TDRP: variants seen among roughly 807,000 people sequenced by gnomAD.
TDRP encodes testis development related protein, also known as testis development-related protein.
Under a neutral mutation model 10.5 loss-of-function variants are expected in TDRP, and 12 were observed. The observed-to-expected ratio is 1.15, with a 90% CI of 0.73 to 1.86. The LOEUF (loss-of-function observed/expected upper bound fraction) is 1.86, where lower values mean the gene tolerates loss of function less well. Among genes scored for constraint, TDRP ranks in the 40% most tolerant of loss-of-function variants. The probability of loss-of-function intolerance (pLI) is 0.00; values close to 1 mark genes in which losing one functional copy is unlikely to be tolerated. For synonymous variants in TDRP, 139 were observed against 95.4 expected, an observed-to-expected ratio of 1.46 and a Z score of -2.67; for missense variants, 353 against 229.2, an observed-to-expected ratio of 1.54 and a Z score of -3.49.
At chr8:498,982 G>C (rs28434525) in intron 1 of TDRP, among the ~76,000 whole-genome samples, 1 of 151,828 alleles carries the variant, frequency 6.6e-6, no homozygotes, top group Non-Finnish European at 1.5e-5. Context: ...CAGCCACATG[G>C]AACTGTGAGT....
At chr8:513,641 G>A (rs1033805793) in intron 1 of TDRP, among the ~76,000 whole-genome samples, 1 of 152,180 alleles carries the variant, frequency 6.6e-6, no homozygotes, top group South Asian at 2.1e-4. Flanking sequence ...ACACCGTGCA[G>A]ATTTCAGCCA....
At chr8:521,246 C>CAAAAAAAAAAAAAAAAAAAAA in intron 1 of TDRP, among the ~76,000 whole-genome samples, 1 of 84,592 alleles carries the variant, frequency 1.2e-5, no homozygotes, top group Non-Finnish European at 2.2e-5. Flanking sequence ...ACTAAAAATC[C>CAAAAAAAAAAAAAAAAAAAAA]AAAAAAAAAA....
In TDRP at chr8:490,495, C is replaced by CGGGA. The variant is rs1800938604; in HGVS notation, c.*1903_*1904insTCCC. The CGGGA allele has an allele frequency of 6.6e-6, 1 of 152,260 alleles. No individual in the cohort carries two copies. Among genetic ancestry groups the CGGGA allele is most frequent in the Non-Finnish European group, 1.5e-5 (1 of 68,072 alleles). 9.4% of individuals were successfully genotyped at this position (152,260 alleles called of 1,614,324 possible). On this transcript the variant is annotated 3_prime_UTR_variant, in exon 3 of 3. Coordinates refer to ENST00000324079, the MANE Select transcript of TDRP (RefSeq NM_001384899.1). ...GCTCCCCACAACATGGGAAGCGTCC[C>CGGGA]CATCTCCCCACACACGTGATTTCCA...
intron 1 of TDRP, among the ~76,000 whole-genome samples, chr8:529,177 A>G (rs1340583987): frequency 1.3e-5 from 2 of 152,174 alleles, no homozygotes; most frequent in Admixed American, 6.5e-5. Flanking sequence ...TCCTTTGGCA[A>G]CACCCTCATA....
chr8:521,880 G>A (rs1009515401), intron 1 of TDRP, among the ~76,000 whole-genome samples: 21 of 152,038 alleles, frequency 1.4e-4, no homozygotes, highest in African/African-American at 3.6e-4. Flanking sequence ...GTCTATTTAT[G>A]TCTTATTTAA....
chr8:520,826 A>C (rs1801883235), intron 1 of TDRP, among the ~76,000 whole-genome samples: 7 of 152,162 alleles, frequency 4.6e-5, no homozygotes. Flanking sequence ...TTCTTTAAAT[A>C]TTTTGGATAT....
At chr8:494,459 T>A (rs759292150) in intron 2 of TDRP, 35 bp downstream of exon 2, 1 of 1,595,742 alleles carries the variant, frequency 6.3e-7, no homozygotes, top group South Asian at 1.1e-5. Flanking sequence ...CTCCCTCTCC[T>A]GAAATGATCA....
intron 1 of TDRP, among the ~76,000 whole-genome samples, chr8:511,100 A>G (rs1312026620): frequency 6.6e-6 from 1 of 152,196 alleles, no homozygotes; most frequent in East Asian, 1.9e-4. Context: ...TATGGAAAAC[A>G]AAAAGGGAAA....
rs763843652 is a variant in TDRP, at chr8:528,554, A to C, written c.108+16096T>G. Among the ~76,000 whole-genome samples the C allele has an allele frequency of 9.0e-5, 13 of 144,496 alleles. 2 individuals are homozygous for C. Among genetic ancestry groups the C allele is most frequent in the Non-Finnish European group, 1.9e-4 (12 of 64,800 alleles). The allele number at this position is 144,496 out of a possible 152,430, so 94.8% of individuals were successfully genotyped here. A position where few individuals can be genotyped will look rare whatever the true frequency, so the allele number is the denominator to read the frequency against. On this transcript the variant is annotated intron_variant, in intron 1 of 2. Coordinates refer to ENST00000324079, the MANE Select transcript of TDRP (RefSeq NM_001384899.1). ...CATACAAAAATATAGTTAGCATAAG[A>C]TCTGGTACTTGACAGCACAACAGGA...
In TDRP at chr8:528,407, G is replaced by C. The variant is rs553622457; in HGVS notation, c.108+16243C>G. On this transcript the variant is annotated intron_variant, in intron 1 of 2. Coordinates refer to ENST00000324079, the MANE Select transcript of TDRP (RefSeq NM_001384899.1). The stretch of plus-strand genomic sequence containing the variant: ...ATAGGATCCAGCAATCCCACTGCTA[G>C]ATATATACCCAAAAGAAAGGAAATC... 3.8e-5 allele frequency among the ~76,000 whole-genome samples: 5 copies of C among 131,080 alleles called. No individual in the cohort carries two copies. The East Asian group carries it at 1.2e-3, about 32-fold the overall frequency. 86.0% of individuals were successfully genotyped at this position (131,080 alleles called of 152,430 possible).
At chr8:537,560 G>A (rs1218095431) in intron 1 of TDRP, among the ~76,000 whole-genome samples, 1 of 152,196 alleles carries the variant, frequency 6.6e-6, no homozygotes, top group Non-Finnish European at 1.5e-5. Context: ...TTTCATCCCA[G>A]GGGCAGGACA....
chr8:534,562 CTT>C (rs1320028958), intron 1 of TDRP, among the ~76,000 whole-genome samples: 1 of 152,170 alleles, frequency 6.6e-6, no homozygotes, highest in Non-Finnish European at 1.5e-5. Context: ...CTAGCCAGTG[CTT>C]TAGCACTATA....
At chr8:504,326 A>T (rs1046889991) in intron 1 of TDRP, among the ~76,000 whole-genome samples, 3 of 152,184 alleles carry the variant, frequency 2.0e-5, no homozygotes, top group Admixed American at 6.5e-5. Flanking sequence ...TGCTCCAGAC[A>T]GCATGTTTTG....
At chr8:497,742 A>G (rs1464172712) in intron 1 of TDRP, among the ~76,000 whole-genome samples, 2 of 152,176 alleles carry the variant, frequency 1.3e-5, no homozygotes, top group Admixed American at 6.5e-5. Flanking sequence ...AGCCCCTCCC[A>G]TCACAGGTCC....
chr8:512,428 T>C (rs1255680967), intron 1 of TDRP, among the ~76,000 whole-genome samples: 5 of 151,530 alleles, frequency 3.3e-5, no homozygotes, highest in Admixed American at 2.6e-4. Context: ...CAAGACTCCA[T>C]CTCAACAACA....
At chr8:527,667 C>G (rs559766540) in intron 1 of TDRP, among the ~76,000 whole-genome samples, 2 of 152,166 alleles carry the variant, frequency 1.3e-5, no homozygotes, top group East Asian at 3.9e-4. Flanking sequence ...AGGACAATCT[C>G]TTCAATAAAT....
chr8:508,838 G>A (rs1199222044), intron 1 of TDRP, among the ~76,000 whole-genome samples: 1 of 152,166 alleles, frequency 6.6e-6, no homozygotes, highest in African/African-American at 2.4e-5. Flanking sequence ...GACAAGGCAA[G>A]TCCCTTTTGC....
intron 1 of TDRP, among the ~76,000 whole-genome samples, chr8:502,130 G>C (rs1454648458): frequency 2.0e-5 from 3 of 152,200 alleles, no homozygotes; most frequent in Admixed American, 6.5e-5. Flanking sequence ...ACAAAACACA[G>C]TGCCCCCAAC....
intron 1 of TDRP, among the ~76,000 whole-genome samples, chr8:498,247 A>C (rs1354167705): frequency 6.6e-6 from 1 of 152,190 alleles, no homozygotes; most frequent in African/African-American, 2.4e-5. Context: ...CCCATGAAAG[A>C]AATCAAATGG....
Sources: gnomAD v4.1 joint callset for allele counts (sites outside exome capture counted in the v4.1 genomes callset) on GRCh38, gnomAD v4.1.1 for gene constraint, MANE v1.5 for transcripts, NCBI Gene and HGNC (gene_info 2026-07-23, HGNC 2026-07-21) for gene names.